The following C12orf42 variants were observed in gnomAD, a reference collection of about 807,000 sequenced individuals.
The protein encoded by C12orf42 is uncharacterized protein C12orf42.
A neutral mutation model predicts 21.6 loss-of-function variants in C12orf42; 25 were observed. The observed-to-expected ratio is 1.16, with a 90% CI of 0.84 to 1.62. The LOEUF (loss-of-function observed/expected upper bound fraction) is 1.62. Ranked by LOEUF, C12orf42 falls within the 40% of genes most tolerant of loss-of-function variation. C12orf42 has a pLI of 0.00. For missense variants in C12orf42, 483 were observed against 459.3 expected (o/e 1.05, Z -0.47); for synonymous variants, 174 against 175.0 (o/e 0.99, Z 0.05).
chr12:103,432,431 C>T (rs1220338416), intron 2 of C12orf42, among the ~76,000 whole-genome samples: 1 of 152,194 alleles, frequency 6.6e-6, no homozygotes, highest in Admixed American at 6.5e-5. Context: ...CCCTCTCCTG[C>T]CCTGCGCATA....
the C12orf42 span, among the ~76,000 whole-genome samples, chr12:103,554,130 C>T: frequency 6.6e-6 from 1 of 152,144 alleles, no homozygotes. Flanking sequence ...AGACTCAGTT[C>T]TGTGGATAGA....
the C12orf42 span, among the ~76,000 whole-genome samples, chr12:103,153,274 T>G: frequency 1.3e-5 from 2 of 152,000 alleles, no homozygotes; most frequent in African/African-American, 4.8e-5. Context: ...GTAGCAAATA[T>G]TTTTTAAGAC....
chr12:103,247,679 A>T (rs184736667), intron 10 of C12orf42, among the ~76,000 whole-genome samples: 5 of 152,010 alleles, frequency 3.3e-5, no homozygotes, highest in African/African-American at 1.2e-4. Flanking sequence ...TGCCTTTGGT[A>T]TGGGACTCAC....
At chr12:103,295,908 C>A (rs989049355) in intron 4 of C12orf42, among the ~76,000 whole-genome samples, 6 of 151,936 alleles carry the variant, frequency 3.9e-5, no homozygotes, top group Admixed American at 6.5e-5. Flanking sequence ...TACATGTGCA[C>A]AACGTGCAGG....
chr12:103,230,599 C>T, the C12orf42 span, among the ~76,000 whole-genome samples: 4 of 152,174 alleles, frequency 2.6e-5, no homozygotes, highest in Non-Finnish European at 4.4e-5. Flanking sequence ...TTCAAAGATG[C>T]CACATTTGAC....
chr12:103,127,254 G>A, the C12orf42 span, among the ~76,000 whole-genome samples: 1 of 152,104 alleles, frequency 6.6e-6, no homozygotes, highest in African/African-American at 2.4e-5. Flanking sequence ...TAATTGTTGT[G>A]TTTCTTATAC....
At chr12:103,261,548 T>C (rs2034903104) in intron 10 of C12orf42, among the ~76,000 whole-genome samples, 1 of 151,924 alleles carries the variant, frequency 6.6e-6, no homozygotes, top group African/African-American at 2.4e-5. Flanking sequence ...ATTTTTCTGT[T>C]TGTATTTCCG....
chr12:103,306,274 T>C lies in C12orf42; in HGVS notation c.331A>G (p.Arg111Gly). Residue 111 changes from arginine (R) to glycine (G), a missense_variant, in exon 5 of 6, where the codon AGG (arginine) becomes GGG (glycine). Transcript: ENST00000548883. Reference protein sequence around the residue: ...LLHTCQYIVPRCSVSTVSFDE... With the variant: ...LLHTCQYIVPGCSVSTVSFDE... ...AAAGAAACTGTGCTTACAGAACACCTGGGGACTATGTACTGGCAAGTATGA... is the reference window on the plus strand; with the variant it reads ...AAAGAAACTGTGCTTACAGAACACCCGGGGACTATGTACTGGCAAGTATGA... 1 of 1,613,780 alleles carries C rather than the reference T, an allele frequency of 6.2e-7. No individual in the cohort carries two copies. Among genetic ancestry groups the C allele is most frequent in the Non-Finnish European group, 8.5e-7 (1 of 1,179,806 alleles).
At chr12:103,439,660 C>T (rs1007075711) in intron 2 of C12orf42, among the ~76,000 whole-genome samples, 1 of 151,426 alleles carries the variant, frequency 6.6e-6, no homozygotes, top group Non-Finnish European at 1.5e-5. Context: ...TGAAAAAATG[C>T]TCATCATCAC....
the C12orf42 span, among the ~76,000 whole-genome samples, chr12:103,196,749 T>A: frequency 1.5e-4 from 23 of 152,224 alleles, no homozygotes; most frequent in African/African-American, 5.3e-4. Context: ...CGACCTCTAC[T>A]CTTGTCTTCT....
chr12:103,403,684 C>A (rs2048206040), intron 2 of C12orf42, among the ~76,000 whole-genome samples: 1 of 152,162 alleles, frequency 6.6e-6, no homozygotes, highest in Non-Finnish European at 1.5e-5. Flanking sequence ...ATTTCATTTA[C>A]AAAGCAAGAA....
At chr12:103,318,643 T>G (rs370485486) in intron 4 of C12orf42, among the ~76,000 whole-genome samples, 75 of 152,332 alleles carry the variant, frequency 4.9e-4, no homozygotes, top group African/African-American at 1.7e-3. Context: ...TCATCTGAAT[T>G]GCTTACAAAC....
the C12orf42 span, among the ~76,000 whole-genome samples, chr12:103,127,167 A>G: frequency 6.6e-6 from 1 of 152,258 alleles, no homozygotes; most frequent in Admixed American, 6.5e-5. Flanking sequence ...AGCAAAATCT[A>G]CAAAGGTCAT....
At chr12:103,191,571 A>AAAAAAAAAAG in the C12orf42 span, among the ~76,000 whole-genome samples, 6 of 117,786 alleles carry the variant, frequency 5.1e-5, no homozygotes, top group Non-Finnish European at 7.3e-5. Flanking sequence ...AAAAAAAAAA[A>AAAAAAAAAAG]AAATACAAAA....
chr12:103,124,863 CA>C, the C12orf42 span, among the ~76,000 whole-genome samples: 2 of 152,124 alleles, frequency 1.3e-5, no homozygotes, highest in African/African-American at 4.8e-5. Flanking sequence ...GAAGTAACTT[CA>C]GACTGAAGTT....
the C12orf42 span, among the ~76,000 whole-genome samples, chr12:103,172,689 C>G: frequency 6.6e-6 from 1 of 152,056 alleles, no homozygotes; most frequent in African/African-American, 2.4e-5. Context: ...ATAAATCATA[C>G]CCAGATTTTA....
the C12orf42 span, among the ~76,000 whole-genome samples, chr12:103,105,571 G>A: frequency 6.6e-6 from 1 of 152,006 alleles, no homozygotes; most frequent in African/African-American, 2.4e-5. Context: ...GATGGGATCT[G>A]TACACCAAAT....
the C12orf42 span, among the ~76,000 whole-genome samples, chr12:103,187,393 A>T: frequency 6.6e-6 from 1 of 152,196 alleles, no homozygotes; most frequent in Non-Finnish European, 1.5e-5. Flanking sequence ...ATAGGATTCA[A>T]ATACAGGCTG....
intron 2 of C12orf42, among the ~76,000 whole-genome samples, 178 bp from the exon 3 acceptor site, chr12:103,401,853 GT>G (rs1178661873): frequency 2.0e-5 from 3 of 152,172 alleles, no homozygotes; most frequent in Non-Finnish European, 4.4e-5. Flanking sequence ...GGGAACAATG[GT>G]GAGCCCAAAA....
Sources: gnomAD v4.1 joint callset for allele counts (sites outside exome capture counted in the v4.1 genomes callset) on GRCh38, gnomAD v4.1.1 for gene constraint, MANE v1.5 for transcripts, NCBI Gene and HGNC (gene_info 2026-07-23, HGNC 2026-07-21) for gene names.